TXLNB: variants seen among roughly 807,000 people sequenced by gnomAD.
The protein encoded by TXLNB is beta-taxilin.
In TXLNB, 37 loss-of-function variants were observed where a neutral mutation model predicts 57.4. The ratio of observed to expected loss-of-function variants is 0.64; its 90% confidence interval spans 0.50 to 0.85. The LOEUF (loss-of-function observed/expected upper bound fraction) is 0.85. Among genes scored for constraint, TXLNB ranks in the 40% least tolerant of loss-of-function variants. TXLNB has a pLI of 0.00. For synonymous variants in TXLNB, 302 were observed against 309.6 expected (o/e 0.98, Z 0.26); for missense variants, 848 against 825.6 (o/e 1.03, Z -0.33).
chr6:139,276,766 C>T (rs1776907294), intron 3 of TXLNB, 64 bp downstream of exon 3: 1 of 1,280,984 alleles, frequency 7.8e-7, no homozygotes, highest in Non-Finnish European at 1.1e-6. Context: ...TTTGTTGTTC[C>T]TTGAAGCTAG....
Position 139,288,371 on chromosome 6 carries a change from C to T in TXLNB, c.424+105G>A, listed in dbSNP as rs889517281. The T allele has an allele frequency of 5.5e-6, 6 of 1,086,902 alleles. No homozygotes were observed. In the Admixed American group the frequency reaches 6.4e-5, roughly 12 times the overall value. 67.3% of individuals were successfully genotyped at this position (1,086,902 alleles called of 1,614,324 possible). Reference sequence around the variant, plus strand: ...CAAGGGAAAATATAGAAGGCTACTACAGTCATCCAAATATTGGATGTGGCT... The same window carrying T: ...CAAGGGAAAATATAGAAGGCTACTATAGTCATCCAAATATTGGATGTGGCT... On this transcript the variant is annotated intron_variant, in intron 2 of 9. Coordinates refer to ENST00000358430, the MANE Select transcript of TXLNB (RefSeq NM_153235.4).
At chr6:139,214,200 C>T in the TXLNB span, among the ~76,000 whole-genome samples, 3 of 152,168 alleles carry the variant, frequency 2.0e-5, no homozygotes, top group Non-Finnish European at 2.9e-5. Flanking sequence ...GACCAATATC[C>T]TTGATGAACA....
At chr6:139,164,621 G>T in the TXLNB span, among the ~76,000 whole-genome samples, 2 of 152,190 alleles carry the variant, frequency 1.3e-5, no homozygotes, top group South Asian at 4.1e-4. Flanking sequence ...GGAGGCAAAA[G>T]AACTGCATGG....
the TXLNB span, among the ~76,000 whole-genome samples, chr6:139,232,492 G>A: frequency 8.5e-5 from 13 of 152,218 alleles, no homozygotes; most frequent in South Asian, 1.9e-3. Context: ...TAGTCCTGTC[G>A]CACTAGTTCT....
chr6:139,262,351 T>A (rs1379238127), intron 5 of TXLNB, among the ~76,000 whole-genome samples: 2 of 152,246 alleles, frequency 1.3e-5, no homozygotes, highest in Non-Finnish European at 2.9e-5. Context: ...ACTTTCTATT[T>A]ATTGCCTTTA....
chr6:139,201,508 G>C, the TXLNB span, among the ~76,000 whole-genome samples: 4 of 151,920 alleles, frequency 2.6e-5, no homozygotes, highest in Non-Finnish European at 5.9e-5. Context: ...TCCTGCTCAA[G>C]CTACCTTACA....
chr6:139,276,710 G>A, intron 3 of TXLNB, 120 bp downstream of exon 3: 3 of 732,380 alleles, frequency 4.1e-6, no homozygotes, highest in Non-Finnish European at 6.9e-6. Flanking sequence ...TTAGCGCACA[G>A]ACCTCAGATG....
chr6:139,252,538 G>C (rs1321561728), intron 7 of TXLNB, among the ~76,000 whole-genome samples: 1 of 152,210 alleles, frequency 6.6e-6, no homozygotes, highest in Non-Finnish European at 1.5e-5. Flanking sequence ...TAGTGAGGCT[G>C]CCTGCACTGT....
At chr6:139,202,173 G>T in the TXLNB span, among the ~76,000 whole-genome samples, 1 of 152,176 alleles carries the variant, frequency 6.6e-6, no homozygotes, top group African/African-American at 2.4e-5. Context: ...TCATATCCAT[G>T]TATACGTGGT....
the TXLNB span, among the ~76,000 whole-genome samples, chr6:139,218,116 G>T: frequency 2.0e-5 from 3 of 152,054 alleles, no homozygotes; most frequent in Admixed American, 2.0e-4. Flanking sequence ...TCCCCTTTAG[G>T]GTGTTCAGCT....
the TXLNB span, among the ~76,000 whole-genome samples, chr6:139,304,227 A>G: frequency 1.3e-5 from 2 of 152,220 alleles, no homozygotes; most frequent in African/African-American, 4.8e-5. Flanking sequence ...CATCGATTGT[A>G]TCCATAAAGA....
chr6:139,246,981 A>G (rs1181601789), intron 8 of TXLNB, among the ~76,000 whole-genome samples: 2 of 152,170 alleles, frequency 1.3e-5, no homozygotes, highest in African/African-American at 4.8e-5. Flanking sequence ...TTGATGAGCA[A>G]GAACACACCA....
the TXLNB span, among the ~76,000 whole-genome samples, chr6:139,321,521 A>G: frequency 6.9e-6 from 1 of 145,688 alleles, no homozygotes; most frequent in East Asian, 2.0e-4. Flanking sequence ...AGCAGCCCAC[A>G]TGGGCTATGA....
At chr6:139,193,840 ATTTTT>A in the TXLNB span, among the ~76,000 whole-genome samples, 640 of 85,216 alleles carry the variant, frequency 7.5e-3, 2 homozygotes, top group Middle Eastern at 0.013. Context: ...ATATATATAT[ATTTTT>A]TTTTTTTTTT....
chr6:139,203,857 A>AGTCTT, the TXLNB span, among the ~76,000 whole-genome samples: 49,092 of 151,682 alleles, frequency 0.32, 8,185 homozygotes, highest in African/African-American at 0.41. Context: ...ATTTATACTT[A>AGTCTT]GGGACTTGAG....
At chr6:139,310,936 C>T in the TXLNB span, among the ~76,000 whole-genome samples, 1 of 152,166 alleles carries the variant, frequency 6.6e-6, no homozygotes, top group African/African-American at 2.4e-5. Context: ...CTCAGGTGAT[C>T]CACCCGCCTC....
At chr6:139,169,386 T>G in the TXLNB span, among the ~76,000 whole-genome samples, 3 of 152,158 alleles carry the variant, frequency 2.0e-5, no homozygotes, top group Non-Finnish European at 4.4e-5. Flanking sequence ...AAATTTTCTG[T>G]TCTTACATTT....
chr6:139,256,536 G>T (rs1776345668), intron 6 of TXLNB, among the ~76,000 whole-genome samples: 1 of 152,154 alleles, frequency 6.6e-6, no homozygotes, highest in Admixed American at 6.5e-5. Context: ...TGCCATGTTG[G>T]CCAGGCTGGC....
the TXLNB span, among the ~76,000 whole-genome samples, chr6:139,233,743 T>A: frequency 1.3e-5 from 2 of 152,286 alleles, no homozygotes; most frequent in Admixed American, 1.3e-4. Flanking sequence ...CAGTCTTAGG[T>A]ATTTCTTTAT....
Sources: allele counts gnomAD v4.1 joint callset (sites outside exome capture counted in the v4.1 genomes callset), GRCh38; gene constraint gnomAD v4.1.1; transcripts MANE v1.5; gene names NCBI Gene and HGNC (gene_info 2026-07-23, HGNC 2026-07-21).